PLEKHM3: variants seen among roughly 807,000 people sequenced by gnomAD.
The protein encoded by PLEKHM3 is pleckstrin homology domain-containing family M member 3.
In PLEKHM3, 45 loss-of-function variants were observed where a neutral mutation model predicts 81.8. That is an observed-to-expected ratio of 0.55 (90% CI 0.43 to 0.71). The LOEUF is 0.71. Ranked by LOEUF, PLEKHM3 falls within the 30% of genes least tolerant of loss-of-function variation. The probability of loss-of-function intolerance (pLI) is 0.00; values close to 1 mark genes in which losing one functional copy is unlikely to be tolerated. For missense variants in PLEKHM3, 788 were observed against 924.3 expected, an observed-to-expected ratio of 0.85 and a Z score of 1.91; for synonymous variants, 352 against 356.4, an observed-to-expected ratio of 0.99 and a Z score of 0.14.
chr2:208,002,159 A>G (rs1692330673), intron 1 of PLEKHM3, among the ~76,000 whole-genome samples: 1 of 152,232 alleles, frequency 6.6e-6, no homozygotes, highest in Non-Finnish European at 1.5e-5. Flanking sequence ...AGCAGGGAGG[A>G]ACACTTGATA....
At chr2:208,023,537 GCCT>G (rs138409612) in intron 1 of PLEKHM3, among the ~76,000 whole-genome samples, 5,638 of 152,200 alleles carry the variant, frequency 0.037, 343 homozygotes, top group African/African-American at 0.13. Flanking sequence ...TTTGAGCTCC[GCCT>G]CCTGTCAGAT....
chr2:207,876,168 C>T (rs758106374), intron 6 of PLEKHM3, among the ~76,000 whole-genome samples: 8 of 152,266 alleles, frequency 5.3e-5, no homozygotes, highest in Admixed American at 1.3e-4. Flanking sequence ...AAAGCTCAGG[C>T]GATCCTCTGC....
chr2:207,840,070 T>G (rs2092341544), intron 7 of PLEKHM3, among the ~76,000 whole-genome samples: 1 of 152,272 alleles, frequency 6.6e-6, no homozygotes, highest in African/African-American at 2.4e-5. Flanking sequence ...GTTTGAGAAC[T>G]ATACTTCTAA....
intron 7 of PLEKHM3, among the ~76,000 whole-genome samples, chr2:207,835,146 C>G (rs935387508): frequency 5.3e-5 from 8 of 151,428 alleles, no homozygotes; most frequent in Admixed American, 4.6e-4. Flanking sequence ...GGTTTCACCA[C>G]GTTGGCCAGG....
At chr2:207,906,303 C>A (rs1424148243) in intron 6 of PLEKHM3, among the ~76,000 whole-genome samples, 1 of 152,176 alleles carries the variant, frequency 6.6e-6, no homozygotes, top group African/African-American at 2.4e-5. Flanking sequence ...TAAAAATATA[C>A]CCCTTTCCAC....
chr2:207,948,115 G>C (rs1690196632), intron 3 of PLEKHM3, among the ~76,000 whole-genome samples: 1 of 152,014 alleles, frequency 6.6e-6, no homozygotes, highest in South Asian at 2.1e-4. Context: ...CTGTTCTTCA[G>C]ACTGGCTAAG....
intron 4 of PLEKHM3, among the ~76,000 whole-genome samples, chr2:207,939,294 G>C (rs1689858516): frequency 6.6e-6 from 1 of 152,188 alleles, no homozygotes; most frequent in African/African-American, 2.4e-5. Flanking sequence ...AATTTTGTCT[G>C]GTAGAGAGGA....
At chr2:207,849,194 C>T (rs1483237618) in intron 7 of PLEKHM3, among the ~76,000 whole-genome samples, 1 of 152,056 alleles carries the variant, frequency 6.6e-6, no homozygotes, top group Non-Finnish European at 1.5e-5. Context: ...ACTAGCCGGG[C>T]ATGGTGGTGC....
intron 6 of PLEKHM3, among the ~76,000 whole-genome samples, chr2:207,866,889 G>A (rs1461314394): frequency 6.6e-6 from 1 of 152,102 alleles, no homozygotes; most frequent in Non-Finnish European, 1.5e-5. Context: ...AGAACTTGAT[G>A]CTGTTTTGTA....
chr2:207,832,422 G>C (rs2092293533), intron 7 of PLEKHM3, among the ~76,000 whole-genome samples: 1 of 152,128 alleles, frequency 6.6e-6, no homozygotes, highest in African/African-American at 2.4e-5. Flanking sequence ...TAAAGTTCAG[G>C]ATAAATATTT....
At chr2:207,937,670 G>T (rs1559246254) in intron 4 of PLEKHM3, among the ~76,000 whole-genome samples, 2 of 151,406 alleles carry the variant, frequency 1.3e-5, no homozygotes, top group Admixed American at 1.3e-4. Flanking sequence ...AATTATAAAA[G>T]TAATATAATC....
intron 7 of PLEKHM3, among the ~76,000 whole-genome samples, chr2:207,841,509 T>TATATATATATATATA: frequency 9.4e-6 from 1 of 106,040 alleles, no homozygotes; most frequent in African/African-American, 3.4e-5. Context: ...ATATATATAT[T>TATATATATATATATA]CACCACCATT....
intron 2 of PLEKHM3, among the ~76,000 whole-genome samples, chr2:207,989,951 G>A (rs764807694): frequency 5.3e-5 from 8 of 152,128 alleles, no homozygotes; most frequent in East Asian, 1.9e-4. Flanking sequence ...CTGGGGGAGC[G>A]GACCAGAATT....
At chr2:207,932,829 C>T (rs938215838) in intron 4 of PLEKHM3, among the ~76,000 whole-genome samples, 3 of 152,090 alleles carry the variant, frequency 2.0e-5, no homozygotes, top group Non-Finnish European at 4.4e-5. Context: ...TAGAGTACAA[C>T]AGGCAGAAAC....
At chr2:207,967,834 A>C (rs1020480564) in intron 3 of PLEKHM3, among the ~76,000 whole-genome samples, 2 of 152,140 alleles carry the variant, frequency 1.3e-5, no homozygotes, top group African/African-American at 4.8e-5. Flanking sequence ...CAAACAGTGG[A>C]GGTACGGAGA....
chr2:207,895,475 G>A (rs1688194084), intron 6 of PLEKHM3, among the ~76,000 whole-genome samples: 1 of 152,190 alleles, frequency 6.6e-6, no homozygotes, highest in African/African-American at 2.4e-5. Flanking sequence ...TTCTCTCTGT[G>A]CCCTTGACCT....
intron 7 of PLEKHM3, chr2:207,852,863 A>C (rs1340645768): frequency 2.4e-6 from 1 of 422,742 alleles, no homozygotes; most frequent in African/African-American, 2.1e-5. Context: ...AAAAAGAAAA[A>C]AAAAACCCCA....
intron 1 of PLEKHM3, among the ~76,000 whole-genome samples, chr2:208,016,412 T>C (rs1164206341): frequency 1.3e-5 from 2 of 151,202 alleles, no homozygotes; most frequent in African/African-American, 2.4e-5. Flanking sequence ...TGGGGGGAGA[T>C]GGTGGCAGGT....
At chr2:207,859,582 A>G (rs2092456160) in intron 7 of PLEKHM3, among the ~76,000 whole-genome samples, 1 of 150,880 alleles carries the variant, frequency 6.6e-6, no homozygotes, top group East Asian at 1.9e-4. Context: ...TTTGTGTACA[A>G]GTTTTATGTG....
Sources: allele counts gnomAD v4.1 joint callset (sites outside exome capture counted in the v4.1 genomes callset), GRCh38; gene constraint gnomAD v4.1.1; transcripts MANE v1.5; gene names NCBI Gene and HGNC (gene_info 2026-07-23, HGNC 2026-07-21).